Variants in PRKAR2B observed in about 807,000 individuals in gnomAD.
The protein encoded by PRKAR2B is protein kinase cAMP-dependent type II regulatory subunit beta, also known as cAMP-dependent protein kinase type II-beta regulatory subunit.
Under a neutral mutation model 49.9 loss-of-function variants are expected in PRKAR2B, and 14 were observed. The observed-to-expected ratio is 0.28, with a 90% CI of 0.19 to 0.44. PRKAR2B has a LOEUF of 0.44. Among genes scored for constraint, PRKAR2B ranks in the 20% least tolerant of loss-of-function variants. The probability of loss-of-function intolerance (pLI) is 1.00; values close to 1 mark genes in which losing one functional copy is unlikely to be tolerated. For missense variants in PRKAR2B, 393 were observed against 537.9 expected (o/e 0.73, Z 2.67); for synonymous variants, 196 against 197.7 (o/e 0.99, Z 0.07).
intron 1 of PRKAR2B, among the ~76,000 whole-genome samples, chr7:107,063,759 A>G (rs906462141): frequency 1.3e-5 from 2 of 152,162 alleles, no homozygotes; most frequent in East Asian, 3.8e-4. Context: ...TCTTCATTTC[A>G]AAGTCTCCCT....
chr7:107,144,834 T>C (rs536471983), intron 5 of PRKAR2B, among the ~76,000 whole-genome samples: 36 of 150,160 alleles, frequency 2.4e-4, no homozygotes, highest in African/African-American at 8.8e-4. Context: ...CCCCACTCTT[T>C]GTCTGTGTTA....
rs771168140 is a variant in PRKAR2B, at chr7:107,128,306, T to A, written c.480+11T>A. 1 of 1,587,176 alleles carries A rather than the reference T, an allele frequency of 6.3e-7. No individual in the cohort carries two copies. The highest frequency in any genetic ancestry group is 2.2e-5 in the East Asian group (1 of 44,746). ...AAGAATCTGGATCCGGTAAGATAAA[T>A]CTTAATAATAGAAATGGCTTTGTTT... is the stretch of plus-strand genomic sequence containing the variant. On this transcript the variant is annotated intron_variant, in intron 4 of 10. Coordinates refer to ENST00000265717, the MANE Select transcript of PRKAR2B (RefSeq NM_002736.3).
At chr7:107,144,149 A>G (rs970692810) in intron 5 of PRKAR2B, among the ~76,000 whole-genome samples, 2 of 150,838 alleles carry the variant, frequency 1.3e-5, no homozygotes, top group Non-Finnish European at 3.0e-5. Flanking sequence ...CAGTGGCGCA[A>G]TCTCAGCTCA....
At chr7:107,085,532 TA>T (rs1794603020) in intron 2 of PRKAR2B, among the ~76,000 whole-genome samples, 1 of 152,158 alleles carries the variant, frequency 6.6e-6, no homozygotes, top group African/African-American at 2.4e-5. Context: ...CAGAAGAGTA[TA>T]AAATGAAAAC....
chr7:107,143,476 C>G (rs942609299), intron 5 of PRKAR2B, among the ~76,000 whole-genome samples: 2 of 152,168 alleles, frequency 1.3e-5, no homozygotes, highest in African/African-American at 4.8e-5. Context: ...TGTGGTTGCT[C>G]TTGTTTGGCA....
chr7:107,050,904 C>A (rs1029616005), intron 1 of PRKAR2B, among the ~76,000 whole-genome samples: 1 of 152,094 alleles, frequency 6.6e-6, no homozygotes, highest in Non-Finnish European at 1.5e-5. Context: ...CTTTCTTGCC[C>A]AGGCTGGTCT....
intron 3 of PRKAR2B, 34 bp from the exon 4 acceptor site, chr7:107,128,178 A>G: frequency 7.2e-7 from 1 of 1,381,372 alleles, no homozygotes; most frequent in Non-Finnish European, 1.0e-6. Context: ...GTATTGGCTA[A>G]TGTCTTTGTT....
In PRKAR2B at chr7:107,045,050, C is replaced by G; in HGVS notation, c.143C>G (p.Thr48Ser). The G allele has an allele frequency of 6.5e-7, 1 of 1,545,920 alleles. No homozygotes were observed. ...RLQQENERKG[T>S]ARFGHEGRTW... is the part of the protein sequence containing the mutation. ...CAGCAGGAGAACGAGCGCAAAGGCACCGCGCGCTTCGGCCATGAGGGCAGG... is the reference window on the plus strand; with the variant it reads ...CAGCAGGAGAACGAGCGCAAAGGCAGCGCGCGCTTCGGCCATGAGGGCAGG... The change falls in exon 1 of 11, where the codon ACC becomes AGC. Residue 48 changes from threonine (T) to serine (S), a missense_variant. Thr to Ser is a moderately conservative substitution (Grantham distance 58). Coordinates refer to ENST00000265717, the MANE Select transcript of PRKAR2B (RefSeq NM_002736.3).
intron 2 of PRKAR2B, among the ~76,000 whole-genome samples, chr7:107,117,685 G>A (rs535593381): frequency 4.0e-5 from 6 of 151,386 alleles, no homozygotes; most frequent in African/African-American, 1.5e-4. Context: ...ACAAAATGTT[G>A]TGGGCTTTTA....
intron 1 of PRKAR2B, among the ~76,000 whole-genome samples, chr7:107,047,206 T>G (rs903915051): frequency 3.9e-5 from 6 of 152,220 alleles, no homozygotes; most frequent in Non-Finnish European, 8.8e-5. Flanking sequence ...CACATACATC[T>G]GTATAACAGA....
chr7:107,080,067 G>A (rs1321417259), intron 2 of PRKAR2B, among the ~76,000 whole-genome samples: 1 of 152,138 alleles, frequency 6.6e-6, no homozygotes, highest in African/African-American at 2.4e-5. Flanking sequence ...TTTCAACTTG[G>A]ACATTGACTG....
At chr7:107,100,092 T>G (rs1794930132) in intron 2 of PRKAR2B, among the ~76,000 whole-genome samples, 1 of 152,256 alleles carries the variant, frequency 6.6e-6, no homozygotes, top group South Asian at 2.1e-4. Flanking sequence ...CCTTTTCTGG[T>G]GCTCTTTATT....
chr7:107,117,222 A>G (rs2115572704), intron 2 of PRKAR2B, among the ~76,000 whole-genome samples: 1 of 152,100 alleles, frequency 6.6e-6, no homozygotes, highest in Non-Finnish European at 1.5e-5. Flanking sequence ...TAATATTTGA[A>G]AAAGGTAATT....
intron 1 of PRKAR2B, among the ~76,000 whole-genome samples, chr7:107,062,949 C>T (rs2116761877): frequency 6.6e-6 from 1 of 151,382 alleles, no homozygotes; most frequent in Non-Finnish European, 1.5e-5. Context: ...TGTTTTTAGC[C>T]AGTACTATAT....
intron 1 of PRKAR2B, among the ~76,000 whole-genome samples, chr7:107,055,854 C>T (rs1224758419): frequency 6.6e-6 from 1 of 152,122 alleles, no homozygotes; most frequent in Non-Finnish European, 1.5e-5. Flanking sequence ...CTTTTGTTGC[C>T]ACTGCTTTTG....
At chr7:107,080,092 A>G (rs1794487626) in intron 2 of PRKAR2B, among the ~76,000 whole-genome samples, 1 of 152,206 alleles carries the variant, frequency 6.6e-6, no homozygotes, top group Non-Finnish European at 1.5e-5. Flanking sequence ...CGATGGTGGC[A>G]CATTGGAGTG....
At chr7:107,063,877 C>T (rs78070386) in intron 1 of PRKAR2B, among the ~76,000 whole-genome samples, 9 of 152,064 alleles carry the variant, frequency 5.9e-5, no homozygotes, top group Admixed American at 1.3e-4. Context: ...CCAGCTTTTC[C>T]GGTGTTCTTA....
intron 2 of PRKAR2B, among the ~76,000 whole-genome samples, chr7:107,108,224 A>G (rs1275279427): frequency 4.6e-5 from 7 of 152,196 alleles, no homozygotes; most frequent in Admixed American, 4.6e-4. Context: ...TGACTCTGGC[A>G]TCCCAAAGTT....
chr7:107,050,012 C>G (rs1414181024), intron 1 of PRKAR2B, among the ~76,000 whole-genome samples: 2 of 152,100 alleles, frequency 1.3e-5, no homozygotes, highest in Non-Finnish European at 2.9e-5. Flanking sequence ...AAGTTAAGAA[C>G]ATTATTCATT....
Sources: gnomAD v4.1 joint callset for allele counts (sites outside exome capture counted in the v4.1 genomes callset) on GRCh38, gnomAD v4.1.1 for gene constraint, MANE v1.5 for transcripts, NCBI Gene and HGNC (gene_info 2026-07-23, HGNC 2026-07-21) for gene names.